The following RBFOX1 variants were observed in gnomAD, a reference collection of about 807,000 sequenced individuals.
The protein encoded by RBFOX1 is RNA binding fox-1 homolog 1.
RBFOX1 carries 8 observed loss-of-function variants against 57.7 expected under a neutral mutation model. The ratio of observed to expected loss-of-function variants is 0.14; its 90% confidence interval spans 0.08 to 0.25. The LOEUF is 0.25. Among genes scored for constraint, RBFOX1 ranks in the 10% least tolerant of loss-of-function variants. The pLI, the probability that RBFOX1 is intolerant of heterozygous loss-of-function variation, is 1.00. For missense variants in RBFOX1, 611 were observed against 548.5 expected (o/e 1.11, Z -1.14); for synonymous variants, 326 against 222.4 (o/e 1.47, Z -4.15).
intron 3 of RBFOX1, among the ~76,000 whole-genome samples, chr16:6,815,082 A>G (rs1267864242): frequency 6.6e-6 from 1 of 152,180 alleles, no homozygotes; most frequent in African/African-American, 2.4e-5. Flanking sequence ...GGCAATGACT[A>G]GAACTGAGGG....
chr16:6,884,105 C>G (rs544593678), intron 3 of RBFOX1, among the ~76,000 whole-genome samples: 1 of 152,294 alleles, frequency 6.6e-6, no homozygotes, highest in African/African-American at 2.4e-5. Context: ...CGATGCGCTG[C>G]AGAAGAAGAG....
chr16:5,601,688 T>C (rs1051003276), downstream of RBFOX1: 4 of 152,196 alleles, frequency 2.6e-5, no homozygotes, highest in Admixed American at 6.5e-5. Context: ...ACAAAGATAC[T>C]AAACACATTT....
intron 3 of RBFOX1, among the ~76,000 whole-genome samples, chr16:6,962,411 C>G (rs1225648819): frequency 2.0e-5 from 3 of 152,132 alleles, no homozygotes; most frequent in Admixed American, 2.0e-4. Context: ...TAAATTCAAC[C>G]TGCTACAACC....
chr16:7,398,813 G>A (rs546460410), intron 4 of RBFOX1, among the ~76,000 whole-genome samples: 16 of 152,288 alleles, frequency 1.1e-4, no homozygotes, highest in Admixed American at 7.8e-4. Context: ...CTCCCTGGAG[G>A]GAATAATTCT....
At chr16:6,419,331 T>G (rs1031471092) in intron 2 of RBFOX1, among the ~76,000 whole-genome samples, 1 of 152,176 alleles carries the variant, frequency 6.6e-6, no homozygotes, top group African/African-American at 2.4e-5. Context: ...ACATACAGTT[T>G]CCCTGCTGGA....
intron 1 of RBFOX1, among the ~76,000 whole-genome samples, chr16:6,312,090 A>G (rs991534113): frequency 2.6e-5 from 4 of 152,162 alleles, no homozygotes; most frequent in African/African-American, 9.7e-5. Context: ...CAAAATCCCA[A>G]CTTAGGTGAG....
chr16:7,246,703 C>G (rs1329816230), intron 4 of RBFOX1, among the ~76,000 whole-genome samples: 1 of 130,748 alleles, frequency 7.6e-6, no homozygotes. Context: ...CTTGGTAAAA[C>G]AGAACTCTTG....
chr16:7,000,036 C>A (rs1012403879), intron 3 of RBFOX1, among the ~76,000 whole-genome samples: 1 of 147,772 alleles, frequency 6.8e-6, no homozygotes, highest in Admixed American at 6.8e-5. Flanking sequence ...CACACCACTG[C>A]ACTCCAGCCT....
At chr16:6,487,754 T>TAA (rs1567406109) in intron 2 of RBFOX1, among the ~76,000 whole-genome samples, 34 of 112,422 alleles carry the variant, frequency 3.0e-4, no homozygotes, top group African/African-American at 9.5e-4. Context: ...TATATATATA[T>TAA]AAAATATTAT....
chr16:5,900,223 C>A, intron 4 of RBFOX1, among the ~76,000 whole-genome samples: 1 of 152,256 alleles, frequency 6.6e-6, no homozygotes, highest in African/African-American at 2.4e-5. Flanking sequence ...GTGGGAGATC[C>A]TGTCTTGCTT....
At chr16:7,066,681 A>G (rs1433898137) in intron 4 of RBFOX1, among the ~76,000 whole-genome samples, 2 of 152,166 alleles carry the variant, frequency 1.3e-5, no homozygotes, top group East Asian at 3.9e-4. Context: ...ATGTGTTCTA[A>G]TTTAAGGTCC....
At chr16:7,652,477 G>C (rs1054639590) in intron 11 of RBFOX1, among the ~76,000 whole-genome samples, 2 of 152,162 alleles carry the variant, frequency 1.3e-5, no homozygotes, top group South Asian at 2.1e-4. Context: ...GTGCCATCTC[G>C]ACTCACTGCA....
chr16:6,060,726 G>C (rs2095674657), intron 1 of RBFOX1, among the ~76,000 whole-genome samples: 1 of 152,156 alleles, frequency 6.6e-6, no homozygotes, highest in Non-Finnish European at 1.5e-5. Context: ...TGTTTCCCAG[G>C]ATTCAGGGGC....
chr16:7,091,877 A>C (rs922192102), intron 4 of RBFOX1, among the ~76,000 whole-genome samples: 1 of 152,226 alleles, frequency 6.6e-6, no homozygotes, highest in Non-Finnish European at 1.5e-5. Flanking sequence ...AGTTGCAGAT[A>C]TAGAGTTGCT....
intron 10 of RBFOX1, among the ~76,000 whole-genome samples, chr16:7,612,107 G>T (rs187807730): frequency 5.3e-5 from 8 of 152,014 alleles, no homozygotes; most frequent in Middle Eastern, 3.4e-3. Flanking sequence ...GGATCACGAG[G>T]TCAGGGGATT....
At chr16:7,602,020 G>A (rs1211832803) in intron 9 of RBFOX1, among the ~76,000 whole-genome samples, 1 of 152,164 alleles carries the variant, frequency 6.6e-6, no homozygotes, top group Non-Finnish European at 1.5e-5. Context: ...TCTTTAGAAA[G>A]CATTGACAGG....
At chr16:7,203,711 C>T (rs1567693132) in intron 4 of RBFOX1, among the ~76,000 whole-genome samples, 1 of 152,030 alleles carries the variant, frequency 6.6e-6, no homozygotes, top group African/African-American at 2.4e-5. Context: ...ATGGTCTCTT[C>T]CATTTCTCTG....
At chr16:7,688,195 C>T (rs1483458526) in intron 14 of RBFOX1, among the ~76,000 whole-genome samples, 1 of 147,564 alleles carries the variant, frequency 6.8e-6, no homozygotes, top group Non-Finnish European at 1.5e-5. Flanking sequence ...TAGGGATTGC[C>T]TAGTAGGCAT....
chr16:6,104,524 C>G lies in RBFOX1; in HGVS notation c.-127+84532C>G, dbSNP rs181199343. 1.1e-4 allele frequency among the ~76,000 whole-genome samples: 17 copies of G among 152,182 alleles called. No homozygotes were observed. The East Asian group carries it at 3.1e-3, about 28-fold the overall frequency. ...TACAGTCTAATTTTAGAACACTGTC[C>G]TCTCCTTAAAGAGAGCTCGCCTCCA... On this transcript the variant is annotated intron_variant, in intron 1 of 15. Transcript: ENST00000550418.
Sources: gnomAD v4.1 joint callset for allele counts (sites outside exome capture counted in the v4.1 genomes callset) on GRCh38, gnomAD v4.1.1 for gene constraint, MANE v1.5 for transcripts, NCBI Gene and HGNC (gene_info 2026-07-23, HGNC 2026-07-21) for gene names.